Variants in PRKCQ observed in about 807,000 individuals in gnomAD.
The protein encoded by PRKCQ is protein kinase C theta type.
A neutral mutation model predicts 91.2 loss-of-function variants in PRKCQ; 41 were observed. The observed-to-expected ratio is 0.45, with a 90% CI of 0.35 to 0.58. The LOEUF (loss-of-function observed/expected upper bound fraction) is 0.58, where lower values mean the gene tolerates loss of function less well. Ranked by LOEUF, PRKCQ falls within the 20% of genes least tolerant of loss-of-function variation. The pLI is 0.00. For synonymous variants in PRKCQ, 307 were observed against 316.9 expected (o/e 0.97, Z 0.33); for missense variants, 673 against 896.5 (o/e 0.75, Z 3.18).
intron 16 of PRKCQ, among the ~76,000 whole-genome samples, chr10:6,434,030 T>TAAAA (rs779037464): frequency 0.084 from 9,648 of 115,322 alleles, 1,244 homozygotes; most frequent in African/African-American, 0.29. Flanking sequence ...CAAGACTCCT[T>TAAAA]AAAAAAAAAA....
chr10:6,553,505 A>T (rs868810714), intron 1 of PRKCQ, among the ~76,000 whole-genome samples: 10,681 of 134,260 alleles, frequency 0.08, 719 homozygotes, highest in Middle Eastern at 0.2. Flanking sequence ...AAAAAAAAAA[A>T]AAAAAAAAAA....
At chr10:6,501,965 T>C (rs1334033316) in intron 4 of PRKCQ, among the ~76,000 whole-genome samples, 2 of 152,162 alleles carry the variant, frequency 1.3e-5, no homozygotes, top group South Asian at 4.1e-4. Flanking sequence ...ATGGTAGGAA[T>C]AGCCATTGTG....
At chr10:6,413,948 A>G in the PRKCQ span, among the ~76,000 whole-genome samples, 39 of 152,236 alleles carry the variant, frequency 2.6e-4, no homozygotes, top group African/African-American at 9.4e-4. Flanking sequence ...AAACAACCAA[A>G]ATCTAACAAT....
intron 12 of PRKCQ, among the ~76,000 whole-genome samples, chr10:6,470,172 A>G (rs989298219): frequency 6.6e-6 from 1 of 151,938 alleles, no homozygotes; most frequent in Admixed American, 6.6e-5. Context: ...TCAACTCTTC[A>G]CCACATTAAA....
chr10:6,550,994 CTCTTT>C (rs1337918543), intron 1 of PRKCQ, among the ~76,000 whole-genome samples: 3 of 152,114 alleles, frequency 2.0e-5, no homozygotes, highest in Non-Finnish European at 1.5e-5. Context: ...TGAGCATCTT[CTCTTT>C]TTTTTAAATG....
intron 15 of PRKCQ, among the ~76,000 whole-genome samples, chr10:6,443,285 T>C (rs1296437009): frequency 6.6e-6 from 1 of 152,114 alleles, no homozygotes; most frequent in Non-Finnish European, 1.5e-5. Flanking sequence ...CATCCATGGA[T>C]GAAAGAAATA....
intron 7 of PRKCQ, 48 bp downstream of exon 7, chr10:6,496,987 C>T (rs75679247): frequency 9.9e-5 from 151 of 1,532,352 alleles, no homozygotes; most frequent in African/African-American, 1.9e-4. Context: ...TAACATTTAA[C>T]GTTCTGATAA....
At chr10:6,541,165 C>G (rs1325262189) in intron 1 of PRKCQ, among the ~76,000 whole-genome samples, 1 of 152,220 alleles carries the variant, frequency 6.6e-6, no homozygotes, top group Non-Finnish European at 1.5e-5. Flanking sequence ...GAAATGTCAA[C>G]TAACTAAAAC....
rs941203311 is a variant in PRKCQ at position 6,491,588 on chromosome 10, G to A, written c.790+95C>T. The A allele has an allele frequency of 6.0e-6, 9 of 1,507,402 alleles. No homozygotes were observed. The South Asian group carries it at 1.1e-4, about 19-fold the overall frequency. 93.4% of individuals were successfully genotyped at this position (1,507,402 alleles called of 1,614,324 possible). ...CTTGTCTGGGCTGGGTGTGGAAGTG[G>A]TACCCCCTACATCCTCCCTCCAGTT... On this transcript the variant is annotated intron_variant, in intron 8 of 17. Transcript: ENST00000263125.
intron 1 of PRKCQ, among the ~76,000 whole-genome samples, chr10:6,523,006 T>C (rs188435956): frequency 9.1e-4 from 138 of 152,088 alleles, no homozygotes; most frequent in African/African-American, 2.2e-3. Context: ...TTTTTCACAA[T>C]GTGCACAGAA....
At chr10:6,487,642 T>C (rs769044167) in intron 8 of PRKCQ, among the ~76,000 whole-genome samples, 3 of 152,306 alleles carry the variant, frequency 2.0e-5, no homozygotes, top group Non-Finnish European at 4.4e-5. Flanking sequence ...GGAGAGCGTG[T>C]GCCCATGTGA....
At chr10:6,405,550 C>T in the PRKCQ span, among the ~76,000 whole-genome samples, 1 of 152,170 alleles carries the variant, frequency 6.6e-6, no homozygotes, top group African/African-American at 2.4e-5. Flanking sequence ...ACTCCAGCGC[C>T]CCGCAAGTCT....
At chr10:6,509,288 G>C (rs1482921294) in intron 3 of PRKCQ, among the ~76,000 whole-genome samples, 1 of 152,106 alleles carries the variant, frequency 6.6e-6, no homozygotes, top group East Asian at 1.9e-4. Context: ...CTGCCTATCA[G>C]TGAAGACTAC....
At chr10:6,395,277 G>A in the PRKCQ span, among the ~76,000 whole-genome samples, 1 of 151,958 alleles carries the variant, frequency 6.6e-6, no homozygotes, top group Admixed American at 6.6e-5. Flanking sequence ...TGTTAGCCAG[G>A]ATGGTCTCGA....
chr10:6,489,887 G>A (rs757561548), intron 8 of PRKCQ, among the ~76,000 whole-genome samples: 1 of 152,140 alleles, frequency 6.6e-6, no homozygotes, highest in African/African-American at 2.4e-5. Context: ...GAAGTTCTAA[G>A]CTGTGCCGCG....
chr10:6,491,178 C>T (rs1837274479), intron 8 of PRKCQ, among the ~76,000 whole-genome samples: 4 of 152,220 alleles, frequency 2.6e-5, no homozygotes, highest in African/African-American at 9.6e-5. Flanking sequence ...GATGCTCAAG[C>T]TAATGTTACA....
chr10:6,462,965 A>G (rs1360783833), intron 13 of PRKCQ, among the ~76,000 whole-genome samples: 1 of 151,284 alleles, frequency 6.6e-6, no homozygotes, highest in Non-Finnish European at 1.5e-5. Flanking sequence ...AGATCACACC[A>G]CTGCACTCCA....
intron 12 of PRKCQ, among the ~76,000 whole-genome samples, chr10:6,466,356 G>T (rs369507817): frequency 7.9e-5 from 12 of 152,286 alleles, no homozygotes; most frequent in Admixed American, 2.0e-4. Flanking sequence ...GTGAGCATTG[G>T]GGGGGTTGAA....
At chr10:6,548,321 G>A (rs1470016918) in intron 1 of PRKCQ, among the ~76,000 whole-genome samples, 1 of 152,038 alleles carries the variant, frequency 6.6e-6, no homozygotes, top group Non-Finnish European at 1.5e-5. Context: ...GGAAGTCAGT[G>A]TGGCGATTTC....
Sources: allele counts gnomAD v4.1 joint callset (sites outside exome capture counted in the v4.1 genomes callset), GRCh38; gene constraint gnomAD v4.1.1; transcripts MANE v1.5; gene names NCBI Gene and HGNC (gene_info 2026-07-23, HGNC 2026-07-21).